Variants in EXOSC10 observed in about 807,000 individuals in gnomAD.
EXOSC10 encodes the protein exosome complex component 10.
Under a neutral mutation model 126.6 loss-of-function variants are expected in EXOSC10, and 94 were observed. The ratio of observed to expected loss-of-function variants is 0.74; its 90% CI spans 0.63 to 0.88. The LOEUF is 0.88. EXOSC10 is among the 40% of genes least tolerant of loss of function. The pLI is 0.00. For synonymous variants in EXOSC10, 395 were observed against 400.8 expected (o/e 0.99, Z 0.17); for missense variants, 1,041 against 1,100.5 (o/e 0.95, Z 0.77).
intron 15 of EXOSC10, 32 bp downstream of exon 15, chr1:11,077,569 T>A (rs1639888841): frequency 1.2e-6 from 2 of 1,613,176 alleles, no homozygotes; most frequent in Non-Finnish European, 1.7e-6. Context: ...ACGTTTTCCC[T>A]CCTGGGGGAG....
chr1:11,069,789 C>A, intron 21 of EXOSC10, 59 bp from the exon 22 acceptor site: 1 of 1,583,330 alleles, frequency 6.3e-7, no homozygotes, highest in Non-Finnish European at 8.6e-7. Flanking sequence ...ACAGGGAACT[C>A]CACCGGCCTC....
At chr1:11,077,957 AC>A (rs1452512081) in intron 14 of EXOSC10, among the ~76,000 whole-genome samples, 4 of 152,180 alleles carry the variant, frequency 2.6e-5, no homozygotes, top group Non-Finnish European at 5.9e-5. Flanking sequence ...TACAGAGCTT[AC>A]AAAGACATTT....
intron 3 of EXOSC10, 27 bp from the exon 4 acceptor site, chr1:11,091,624 G>A (rs1002599858): frequency 6.4e-7 from 1 of 1,569,518 alleles, no homozygotes; most frequent in Non-Finnish European, 8.8e-7. Context: ...TACTGGTTAA[G>A]CATTTTTCCT....
At chr1:11,090,463 G>T in intron 6 of EXOSC10, 91 bp downstream of exon 6, 1 of 1,017,742 alleles carries the variant, frequency 9.8e-7, no homozygotes, top group Non-Finnish European at 1.5e-6. Context: ...CTACTCCTCA[G>T]ATTGTTTTCA....
chr1:11,074,099 C>T (rs1008490667), intron 18 of EXOSC10, 91 bp from the exon 19 acceptor site: 2 of 1,428,340 alleles, frequency 1.4e-6, no homozygotes, highest in Non-Finnish European at 9.9e-7. Flanking sequence ...TTGCTGGTGC[C>T]TTGTCAGCGT....
At chr1:11,071,194 G>C (rs1639466815) in intron 20 of EXOSC10, 1 of 538,426 alleles carries the variant, frequency 1.9e-6, no homozygotes. Flanking sequence ...ATCCTCCCCA[G>C]CCCTGCCTGC....
Position 11,091,184 on chromosome 1 carries a change from G to A in EXOSC10, c.478-5C>T, listed in dbSNP as rs748627612. 20 of 1,610,928 alleles carry A rather than the reference G, an allele frequency of 1.2e-5. No homozygotes were observed. The highest frequency in any genetic ancestry group is 1.7e-5 in the Admixed American group (1 of 59,140). On this transcript the variant is annotated splice_polypyrimidine_tract_variant and splice_region_variant and intron_variant, in intron 4 of 24. Transcript: ENST00000376936. Reference sequence around the variant, plus strand: ...TTTTTTGCCATATTCTGCTGCCTATGATCAATGAATACAAATACTTTATAA... The same window carrying A: ...TTTTTTGCCATATTCTGCTGCCTATAATCAATGAATACAAATACTTTATAA...
At chr1:11,073,726 CA>C (rs35294839) in intron 19 of EXOSC10, among the ~76,000 whole-genome samples, 8 of 151,714 alleles carry the variant, frequency 5.3e-5, no homozygotes, top group Non-Finnish European at 1.2e-4. Flanking sequence ...CCCATCTCTA[CA>C]AAAATTAGCC....
chr1:11,090,635 T>A lies in EXOSC10; in HGVS notation c.677A>T (p.Asp226Val), dbSNP rs774575585. ...LSKERRERPQ[D>V]RPEDLDVPPA... ...GGGGACGTCCAAGTCCTCAGGACGA[T>A]CCTGTGGGCGTTCCCGCCTTTCCTT... The change falls in exon 6 of 25, where the codon GAT becomes GTT. Residue 226 changes from aspartate (D) to valine (V), a missense_variant. Physicochemically the swap from Asp to Val is radical, Grantham distance 152. Around this residue, in one of 3 missense-constraint regions of EXOSC10, gnomAD observed 645 missense variants for 656.3 expected, o/e 0.98. Coordinates refer to ENST00000376936, the MANE Select transcript of EXOSC10 (RefSeq NM_001001998.3). 2 of 1,613,016 alleles carry A rather than the reference T, an allele frequency of 1.2e-6. No homozygotes were observed. The highest frequency in any genetic ancestry group is 2.7e-5 in the African/African-American group (2 of 74,912).
In EXOSC10 at chr1:11,077,435, C is replaced by A; in HGVS notation, c.1809G>T (p.Glu603Asp). 1 of 1,613,960 alleles carries A rather than the reference C, an allele frequency of 6.2e-7. No individual in the cohort carries two copies. Among genetic ancestry groups the A allele is most frequent in the Non-Finnish European group, 8.5e-7 (1 of 1,179,860 alleles). The change falls in exon 16 of 25, where the codon GAG becomes GAT. Residue 603 changes from glutamate to aspartate, a missense_variant. Around this residue, in one of 3 missense-constraint regions of EXOSC10, gnomAD observed 388 missense variants for 415.2 expected, o/e 0.93. Transcript: ENST00000376936. ...SGPLPSAERL[E>D]NVLFGPHDCS... ...AGTCGTGAGGTCCAAAGAGAACATT[C>A]TCCAATCTCTGCATTAAAAGACACC...
rs115629713 is a variant in EXOSC10, at chr1:11,080,766, G to A, written c.1584C>T (p.Tyr528=). 25,983 of 1,614,006 alleles carry A rather than the reference G, an allele frequency of 0.016. 295 individuals are homozygous for A. The highest frequency in any genetic ancestry group is 0.022 in the South Asian group (2,026 of 91,074). Reference sequence around the variant, plus strand: ...TAAAAGAACCTCTAATCCCTTACCCGTAACTTTCATCTTCCCTGCGAGCTG... The same window carrying A: ...TAAAAGAACCTCTAATCCCTTACCCATAACTTTCATCTTCCCTGCGAGCTG... ...DKTARREDES[Y]GYVLPNHMML... is the part of the protein sequence containing the mutation. The change falls in exon 12 of 25, where the codon TAC becomes TAT. Residue 528 remains tyrosine (Y), a splice_region_variant and synonymous_variant. Coordinates refer to ENST00000376936, the MANE Select transcript of EXOSC10 (RefSeq NM_001001998.3).
At position 11,076,960 on chromosome 1, in the gene EXOSC10, G is replaced by A. The variant is rs748712010; in HGVS notation, c.1880-12C>T. The A allele has an allele frequency of 8.8e-6, 14 of 1,599,992 alleles. No homozygotes were observed. The highest frequency in any genetic ancestry group is 1.1e-5 in the Non-Finnish European group (13 of 1,167,842). On this transcript the variant is annotated splice_polypyrimidine_tract_variant and intron_variant, in intron 16 of 24. Transcript: ENST00000376936. Reference sequence around the variant, plus strand: ...AACTGGCACAGATCCTAGAGGAGCAGAAGATAGTAAGGTCAAAGCCTACAG... The same window carrying A: ...AACTGGCACAGATCCTAGAGGAGCAAAAGATAGTAAGGTCAAAGCCTACAG...
intron 3 of EXOSC10, among the ~76,000 whole-genome samples, chr1:11,094,908 G>A (rs950465168): frequency 2.0e-5 from 3 of 151,804 alleles, no homozygotes; most frequent in African/African-American, 4.8e-5. Context: ...CTGGAATAAG[G>A]CACTTTAAAA....
Position 11,077,360 on chromosome 1 carries a change from T to C in EXOSC10, c.1879+5A>G. 1.2e-6 allele frequency: 2 copies of C among 1,608,572 alleles called. No individual in the cohort carries two copies. The highest frequency in any genetic ancestry group is 1.7e-6 in the Non-Finnish European group (2 of 1,175,582). On this transcript the variant is annotated splice_donor_5th_base_variant and intron_variant, in intron 16 of 24. Coordinates refer to ENST00000376936, the MANE Select transcript of EXOSC10 (RefSeq NM_001001998.3). ...CGGGACAGTCAGGAGGGCTCTCGAC[T>C]TTACCACTGGTTGGGATGATTGGAT...
At chr1:11,069,480 C>G (rs1639326049) in intron 22 of EXOSC10, 79 bp downstream of exon 22, 3 of 1,482,116 alleles carry the variant, frequency 2.0e-6, no homozygotes, top group Admixed American at 2.1e-5. Context: ...CACTTGGCCC[C>G]TATATTGTGG....
At chr1:11,089,627 A>ACCCCC (rs1640692054) in intron 6 of EXOSC10, among the ~76,000 whole-genome samples, 1 of 150,756 alleles carries the variant, frequency 6.6e-6, no homozygotes, top group African/African-American at 2.5e-5. Flanking sequence ...GTCCCAAAAA[A>ACCCCC]AAAAAAAAAG....
intron 23 of EXOSC10, 107 bp from the exon 24 acceptor site, chr1:11,068,191 G>T: frequency 1.2e-6 from 1 of 832,738 alleles, no homozygotes; most frequent in Non-Finnish European, 2.0e-6. Flanking sequence ...GCACAGGAGT[G>T]ACTTTAGATC....
intron 17 of EXOSC10, among the ~76,000 whole-genome samples, chr1:11,075,320 G>A (rs1570800822): frequency 6.6e-6 from 1 of 152,146 alleles, no homozygotes; most frequent in Non-Finnish European, 1.5e-5. Context: ...CGCCAGGCCT[G>A]AAATTTAGTA....
intron 5 of EXOSC10, 84 bp downstream of exon 5, chr1:11,090,930 A>C (rs894438704): frequency 2.7e-5 from 39 of 1,422,502 alleles, no homozygotes; most frequent in Non-Finnish European, 3.7e-5. Context: ...CCCTTTGAAC[A>C]AAGAAGAGAG....
Sources: allele counts gnomAD v4.1 joint callset (sites outside exome capture counted in the v4.1 genomes callset), GRCh38; gene constraint gnomAD v4.1.1; regional missense constraint gnomAD v4.1.1; transcripts MANE v1.5; gene names NCBI Gene and HGNC (gene_info 2026-07-23, HGNC 2026-07-21).